Variants in ITSN1 observed in about 807,000 individuals in gnomAD.
ITSN1 encodes intersectin-1.
ITSN1 carries 58 observed loss-of-function variants against 239.8 expected under a neutral mutation model. The ratio of observed to expected loss-of-function variants is 0.24; its 90% confidence interval spans 0.20 to 0.30. The LOEUF is 0.30. Ranked by LOEUF, ITSN1 falls within the 10% of genes least tolerant of loss-of-function variation. The pLI is 1.00. For synonymous variants in ITSN1, 780 were observed against 770.8 expected, an observed-to-expected ratio of 1.01 and a Z score of -0.20; for missense variants, 1,558 against 2,103.3, an observed-to-expected ratio of 0.74 and a Z score of 5.07.
chr21:33,749,868 A>G (rs1435679756), intron 5 of ITSN1, among the ~76,000 whole-genome samples: 1 of 151,936 alleles, frequency 6.6e-6, no homozygotes, highest in African/African-American at 2.4e-5. Flanking sequence ...GAACTCATGG[A>G]TTTAATTATA....
intron 34 of ITSN1, among the ~76,000 whole-genome samples, chr21:33,876,700 C>T (rs1264300957): frequency 6.6e-6 from 1 of 152,172 alleles, no homozygotes; most frequent in Non-Finnish European, 1.5e-5. Context: ...CAAGATCAGC[C>T]TGGAAACAGA....
At chr21:33,864,026 G>A (rs778843890) in intron 31 of ITSN1, among the ~76,000 whole-genome samples, 19 of 152,160 alleles carry the variant, frequency 1.2e-4, no homozygotes, top group Admixed American at 6.5e-5. Context: ...TGGCTTGCCC[G>A]GTCCAAGGGA....
chr21:33,774,703 G>A, intron 12 of ITSN1, 26 bp from the exon 13 acceptor site: 2 of 1,601,180 alleles, frequency 1.2e-6, no homozygotes, highest in Non-Finnish European at 1.7e-6. Context: ...TGAAAAATTA[G>A]TAATTTGTCT....
chr21:33,721,565 G>T (rs528794702), intron 3 of ITSN1, among the ~76,000 whole-genome samples: 7 of 152,116 alleles, frequency 4.6e-5, no homozygotes, highest in African/African-American at 1.7e-4. Context: ...GGAGGCCGAG[G>T]TGGGCAGATC....
intron 1 of ITSN1, among the ~76,000 whole-genome samples, chr21:33,663,511 A>ATG (rs1218053618): frequency 6.6e-6 from 1 of 152,244 alleles, no homozygotes; most frequent in Non-Finnish European, 1.5e-5. Flanking sequence ...CAGGTTCAAA[A>ATG]TGTTGGAAGA....
At chr21:33,873,317 C>A (rs182031354) in intron 33 of ITSN1, among the ~76,000 whole-genome samples, 13 of 152,364 alleles carry the variant, frequency 8.5e-5, no homozygotes, top group Non-Finnish European at 1.2e-4. Context: ...AAGGCCTGGG[C>A]AAATATGCCC....
At position 33,731,390 on chromosome 21, in the gene ITSN1, C is replaced by T. The variant is rs184413193; in HGVS notation, c.186-3654C>T. On this transcript the variant is annotated intron_variant, in intron 4 of 39. Transcript: ENST00000381318. ...ATGTTGATTTTTATTAATGGGAACT[C>T]TTCCCCACCAAACCGTTTTAAATAG... is the stretch of plus-strand genomic sequence containing the variant. Among the ~76,000 whole-genome samples, 326 of 152,272 alleles carry T rather than the reference C, an allele frequency of 2.1e-3. 5 individuals carry two copies. The highest frequency in any genetic ancestry group is 7.7e-3 in the South Asian group (37 of 4,826).
At chr21:33,647,833 G>C (rs2146078508) in intron 1 of ITSN1, among the ~76,000 whole-genome samples, 1 of 152,276 alleles carries the variant, frequency 6.6e-6, no homozygotes, top group South Asian at 2.1e-4. Context: ...ATTTTTATTA[G>C]ACATTAGTTT....
intron 1 of ITSN1, among the ~76,000 whole-genome samples, chr21:33,701,957 A>G (rs2092031408): frequency 6.6e-6 from 1 of 152,062 alleles, no homozygotes; most frequent in Non-Finnish European, 1.5e-5. Flanking sequence ...AATCCCAGCT[A>G]CTGGAGAGGC....
Position 33,830,202 on chromosome 21 carries a change from T to C in ITSN1, c.3351+457T>C, listed in dbSNP as rs539741027. Among the ~76,000 whole-genome samples the C allele has an allele frequency of 4.6e-5, 7 of 152,310 alleles. No individual in the cohort carries two copies. In the East Asian group the frequency reaches 1.3e-3, roughly 29 times the overall value. On this transcript the variant is annotated intron_variant, in intron 27 of 39. Coordinates refer to ENST00000381318, the MANE Select transcript of ITSN1 (RefSeq NM_003024.3). Reference sequence around the variant, plus strand: ...TGTGTGTGTATTGTTAATCATATCATCTTGTTTACACATTTTACCATTCCA... The same window carrying C: ...TGTGTGTGTATTGTTAATCATATCACCTTGTTTACACATTTTACCATTCCA...
intron 1 of ITSN1, among the ~76,000 whole-genome samples, chr21:33,701,466 G>T (rs186898617): frequency 6.6e-6 from 1 of 151,914 alleles, no homozygotes; most frequent in Non-Finnish European, 1.5e-5. Flanking sequence ...TTGCATGCTT[G>T]TTATTTTTAA....
intron 5 of ITSN1, among the ~76,000 whole-genome samples, chr21:33,742,554 T>C (rs755359247): frequency 2.2e-4 from 34 of 152,014 alleles, no homozygotes; most frequent in Non-Finnish European, 4.1e-4. Context: ...GCAATAGAAA[T>C]AGGAAAGGGT....
chr21:33,839,936 AATG>A (rs1015716246), intron 29 of ITSN1, among the ~76,000 whole-genome samples: 19 of 152,092 alleles, frequency 1.2e-4, no homozygotes, highest in African/African-American at 4.6e-4. Context: ...CGCAACAAAG[AATG>A]ATCTGGCCCC....
intron 4 of ITSN1, among the ~76,000 whole-genome samples, chr21:33,730,297 G>A (rs1196412542): frequency 6.7e-6 from 1 of 149,302 alleles, no homozygotes; most frequent in Admixed American, 6.7e-5. Context: ...AAAAAAGCAG[G>A]TACATAATGT....
intron 20 of ITSN1, among the ~76,000 whole-genome samples, chr21:33,808,949 A>G (rs1317618917): frequency 1.3e-5 from 2 of 152,218 alleles, no homozygotes; most frequent in Non-Finnish European, 2.9e-5. Flanking sequence ...GTCTGGCAGG[A>G]CCTGGCTTGG....
chr21:33,764,309 AGT>A (rs751053275), intron 9 of ITSN1, among the ~76,000 whole-genome samples: 1 of 152,230 alleles, frequency 6.6e-6, no homozygotes, highest in Non-Finnish European at 1.5e-5. Context: ...AATTTAGGTA[AGT>A]GTGGTGAAAA....
intron 1 of ITSN1, among the ~76,000 whole-genome samples, chr21:33,718,311 A>G: frequency 6.6e-6 from 1 of 152,254 alleles, no homozygotes. Flanking sequence ...AAAAAGGTAC[A>G]GTCAGCCCTC....
intron 29 of ITSN1, among the ~76,000 whole-genome samples, chr21:33,838,988 A>G (rs138138014): frequency 3.3e-5 from 5 of 152,334 alleles, no homozygotes; most frequent in African/African-American, 1.2e-4. Context: ...CATTGATGCC[A>G]CTGTTTGCTA....
At chr21:33,874,523 G>T (rs1415963174) in intron 33 of ITSN1, among the ~76,000 whole-genome samples, 1 of 152,194 alleles carries the variant, frequency 6.6e-6, no homozygotes, top group Non-Finnish European at 1.5e-5. Flanking sequence ...GAATTGCATT[G>T]TATGTTCCCC....
Sources: gnomAD v4.1 joint callset for allele counts (sites outside exome capture counted in the v4.1 genomes callset) on GRCh38, gnomAD v4.1.1 for gene constraint, MANE v1.5 for transcripts, NCBI Gene and HGNC (gene_info 2026-07-23, HGNC 2026-07-21) for gene names.